The following UBXN2A variants were observed in gnomAD, a reference collection of about 807,000 sequenced individuals.
UBXN2A encodes the protein UBX domain protein 2A, also known as UBX domain-containing protein 2A.
Under a neutral mutation model 28.4 loss-of-function variants are expected in UBXN2A, and 28 were observed. That is an observed-to-expected ratio of 0.99 (90% CI 0.73 to 1.35). The LOEUF is 1.35. UBXN2A is among the 40% of genes most tolerant of loss of function. The probability of loss-of-function intolerance (pLI) is 0.00; values close to 1 mark genes in which losing one functional copy is unlikely to be tolerated. For synonymous variants in UBXN2A, 97 were observed against 103.6 expected, an observed-to-expected ratio of 0.94 and a Z score of 0.39; for missense variants, 253 against 297.9, an observed-to-expected ratio of 0.85 and a Z score of 1.11.
upstream of UBXN2A, among the ~76,000 whole-genome samples, chr2:23,936,555 AAGAG>A (rs1461187662): frequency 3.3e-5 from 5 of 151,980 alleles, no homozygotes; most frequent in South Asian, 2.1e-4. Flanking sequence ...CAAAAAAAAA[AAGAG>A]AGAAAGAAAG....
At chr2:23,976,823 C>T (rs1397891871) in intron 3 of UBXN2A, 146 bp from the exon 4 acceptor site, 3 of 559,478 alleles carry the variant, frequency 5.4e-6, no homozygotes, top group South Asian at 2.4e-5. Context: ...TCAAGTAGTC[C>T]TCCTGTCTTG....
At chr2:23,991,902 G>A (rs1294969005) in intron 6 of UBXN2A, among the ~76,000 whole-genome samples, 6 of 151,738 alleles carry the variant, frequency 4.0e-5, no homozygotes, top group East Asian at 1.9e-4. Flanking sequence ...AGCAATTCTC[G>A]TCCCTCAGCC....
At chr2:23,992,527 A>T (rs770268885) in intron 6 of UBXN2A, among the ~76,000 whole-genome samples, 47 of 152,200 alleles carry the variant, frequency 3.1e-4, no homozygotes, top group Non-Finnish European at 5.4e-4. Flanking sequence ...CTCGGAAAGG[A>T]AGGTTTTATG....
At chr2:23,971,502 T>C in intron 3 of UBXN2A, 88 bp downstream of exon 3, 1 of 1,373,524 alleles carries the variant, frequency 7.3e-7, no homozygotes, top group Non-Finnish European at 9.6e-7. Context: ...AAAATTGTTT[T>C]GTTTGAGACA....
At chr2:23,944,524 G>C (rs1705949518) in intron 1 of UBXN2A, among the ~76,000 whole-genome samples, 1 of 152,178 alleles carries the variant, frequency 6.6e-6, no homozygotes, top group Non-Finnish European at 1.5e-5. Context: ...TGGTGGAAAA[G>C]GGTCTAGTTT....
At chr2:23,952,289 G>A (rs910216552) in intron 1 of UBXN2A, among the ~76,000 whole-genome samples, 15 of 151,622 alleles carry the variant, frequency 9.9e-5, no homozygotes, top group Admixed American at 7.2e-4. Context: ...TTTTTAAGAC[G>A]GTCTCCCTCT....
upstream of UBXN2A, among the ~76,000 whole-genome samples, chr2:23,935,753 C>CA (rs1705505021): frequency 6.6e-6 from 1 of 152,020 alleles, no homozygotes; most frequent in African/African-American, 2.4e-5. Context: ...GGTATATACT[C>CA]AAAAAAATTG....
chr2:23,944,066 C>T, intron 1 of UBXN2A: 1 of 616,026 alleles, frequency 1.6e-6, no homozygotes, highest in Admixed American at 2.1e-5. Context: ...GCCACCATGG[C>T]TCTGGTATTG....
At chr2:23,972,320 G>A (rs549884352) in intron 3 of UBXN2A, among the ~76,000 whole-genome samples, 1 of 152,070 alleles carries the variant, frequency 6.6e-6, no homozygotes, top group South Asian at 2.1e-4. Flanking sequence ...ATGCTCAAAG[G>A]GATGCTTATT....
At chr2:23,968,752 T>G (rs1338321974) in intron 2 of UBXN2A, among the ~76,000 whole-genome samples, 3 of 151,974 alleles carry the variant, frequency 2.0e-5, no homozygotes, top group African/African-American at 7.2e-5. Flanking sequence ...TTATAATACT[T>G]TATAAAAGTA....
chr2:23,966,643 G>T lies in UBXN2A; in HGVS notation c.42-4633G>T, dbSNP rs1306016081. Among the ~76,000 whole-genome samples the T allele has an allele frequency of 4.7e-5, 7 of 149,018 alleles. No individual in the cohort carries two copies. The South Asian group carries it at 1.1e-3, about 23-fold the overall frequency. On this transcript the variant is annotated intron_variant, in intron 2 of 6. Transcript: ENST00000309033. ...AATTTTTGTATTTTTAGTAGAGACG[G>T]GGTTTCACCGTGTTAGCCAGGATGG...
rs934323334 is a variant in UBXN2A, at chr2:24,001,620, T to C, written c.*1753T>C. ...CATTTTTATCTCAAGACCATTTGTT[T>C]ATGTGAGCTATATATATTATTATAT... On this transcript the variant is annotated 3_prime_UTR_variant, in exon 7 of 7. Transcript: ENST00000309033. 3 of 151,814 alleles carry C rather than the reference T, an allele frequency of 2.0e-5. No individual in the cohort carries two copies. Among genetic ancestry groups the C allele is most frequent in the African/African-American group, 7.2e-5 (3 of 41,400 alleles). 9.4% of individuals were successfully genotyped at this position (151,814 alleles called of 1,614,324 possible).
intron 1 of UBXN2A, among the ~76,000 whole-genome samples, chr2:23,947,079 G>A (rs2150808836): frequency 6.6e-6 from 1 of 152,010 alleles, no homozygotes; most frequent in South Asian, 2.1e-4. Flanking sequence ...GTAGTGACAG[G>A]GTCTCACTGT....
At chr2:23,971,441 T>C in intron 3 of UBXN2A, 27 bp downstream of exon 3, 1 of 1,505,272 alleles carries the variant, frequency 6.6e-7, no homozygotes, top group Non-Finnish European at 9.0e-7. Flanking sequence ...TACTTTTCTT[T>C]TTCTTTCAGT....
chr2:23,979,102 G>T (rs1306985915), intron 4 of UBXN2A, among the ~76,000 whole-genome samples: 1 of 151,746 alleles, frequency 6.6e-6, no homozygotes, highest in Non-Finnish European at 1.5e-5. Flanking sequence ...CAGCACTTTG[G>T]GTAGCCAAGG....
chr2:23,935,320 A>G (rs1161623551), intron 1 of UBXN2A, among the ~76,000 whole-genome samples: 1 of 152,192 alleles, frequency 6.6e-6, no homozygotes, highest in Non-Finnish European at 1.5e-5. Context: ...TTTGCAAATC[A>G]CATATCTGAT....
At chr2:23,999,363 G>C (rs990599560) in intron 6 of UBXN2A, among the ~76,000 whole-genome samples, 2 of 152,126 alleles carry the variant, frequency 1.3e-5, no homozygotes, top group African/African-American at 2.4e-5. Flanking sequence ...ATTTCTGGGA[G>C]TCAAACTTTA....
intron 2 of UBXN2A, chr2:23,968,828 G>C (rs1018967173): frequency 6.6e-6 from 1 of 151,916 alleles, no homozygotes; most frequent in African/African-American, 2.4e-5. Flanking sequence ...GATTTCAAAA[G>C]AGAACAACCA....
intron 1 of UBXN2A, among the ~76,000 whole-genome samples, chr2:23,951,967 CTTT>C (rs901333812): frequency 5.3e-5 from 7 of 132,338 alleles, no homozygotes; most frequent in Admixed American, 1.5e-4. Context: ...AGTTTTTTTC[CTTT>C]TTTTTTTTTT....
Sources: gnomAD v4.1 joint callset for allele counts (sites outside exome capture counted in the v4.1 genomes callset) on GRCh38, gnomAD v4.1.1 for gene constraint, MANE v1.5 for transcripts, NCBI Gene and HGNC (gene_info 2026-07-23, HGNC 2026-07-21) for gene names.